The following GABBR2 variants were observed in gnomAD, a reference collection of about 807,000 sequenced individuals.
GABBR2 encodes the protein G-protein coupled receptor 51.
GABBR2 carries 23 observed loss-of-function variants against 105.6 expected under a neutral mutation model. The ratio of observed to expected loss-of-function variants is 0.22; its 90% CI spans 0.16 to 0.31. GABBR2 has a LOEUF of 0.31. Among genes scored for constraint, GABBR2 ranks in the 10% least tolerant of loss-of-function variants. The pLI, the probability that GABBR2 is intolerant of heterozygous loss-of-function variation, is 1.00. For synonymous variants in GABBR2, 478 were observed against 499.7 expected, an observed-to-expected ratio of 0.96 and a Z score of 0.58; for missense variants, 734 against 1,245.5, an observed-to-expected ratio of 0.59 and a Z score of 6.18.
chr9:98,565,554 G>A (rs942412965), intron 2 of GABBR2, among the ~76,000 whole-genome samples: 1 of 152,146 alleles, frequency 6.6e-6, no homozygotes, highest in East Asian at 1.9e-4. Context: ...AGACCACATA[G>A]CTCATCCCAT....
At chr9:98,628,305 G>T (rs1056161745) in intron 1 of GABBR2, among the ~76,000 whole-genome samples, 2 of 152,144 alleles carry the variant, frequency 1.3e-5, no homozygotes, top group Non-Finnish European at 2.9e-5. Flanking sequence ...TTTTTGCAAT[G>T]ACCCCAGGTA....
chr9:98,663,691 C>G (rs74520069), intron 1 of GABBR2, among the ~76,000 whole-genome samples: 2,511 of 151,980 alleles, frequency 0.017, 73 homozygotes, highest in African/African-American at 0.057. Context: ...GATCCCTTGC[C>G]CAGTTTATGG....
At chr9:98,684,173 A>AAAAAAAAT (rs1830591995) in intron 1 of GABBR2, among the ~76,000 whole-genome samples, 1 of 143,718 alleles carries the variant, frequency 7.0e-6, no homozygotes, top group African/African-American at 2.5e-5. Flanking sequence ...CCACGGTAAA[A>AAAAAAAAT]AAAAAAAAAA....
chr9:98,380,800 G>GCACC (rs1426589919), intron 11 of GABBR2, among the ~76,000 whole-genome samples: 3 of 152,176 alleles, frequency 2.0e-5, no homozygotes, highest in Non-Finnish European at 4.4e-5. Flanking sequence ...ACTCACACAC[G>GCACC]CACCCACCCT....
chr9:98,354,094 A>G (rs1831447106), intron 13 of GABBR2, among the ~76,000 whole-genome samples: 3 of 152,228 alleles, frequency 2.0e-5, no homozygotes, highest in African/African-American at 7.2e-5. Flanking sequence ...CACCAGGTAC[A>G]TTGTCAATGA....
chr9:98,400,316 TAA>T (rs985131808), intron 8 of GABBR2, among the ~76,000 whole-genome samples: 3 of 152,222 alleles, frequency 2.0e-5, no homozygotes, highest in African/African-American at 7.2e-5. Context: ...AAACGATACG[TAA>T]AGTCACAATA....
chr9:98,471,574 C>G (rs1826681667), intron 6 of GABBR2, among the ~76,000 whole-genome samples: 1 of 152,232 alleles, frequency 6.6e-6, no homozygotes, highest in South Asian at 2.1e-4. Context: ...AAAGCCACAC[C>G]CTTAGAACTA....
intron 2 of GABBR2, among the ~76,000 whole-genome samples, chr9:98,558,994 G>T (rs1447712829): frequency 5.3e-5 from 8 of 152,116 alleles, no homozygotes; most frequent in South Asian, 2.1e-4. Context: ...ACTCAATTTG[G>T]TTTTTTTTCT....
intron 1 of GABBR2, among the ~76,000 whole-genome samples, chr9:98,588,087 T>A (rs1829100531): frequency 6.6e-6 from 1 of 152,220 alleles, no homozygotes; most frequent in South Asian, 2.1e-4. Context: ...AGACAGAAAG[T>A]CATTTTTAAA....
chr9:98,494,719 G>A (rs947335648), intron 4 of GABBR2, among the ~76,000 whole-genome samples: 1 of 152,240 alleles, frequency 6.6e-6, no homozygotes, highest in African/African-American at 2.4e-5. Flanking sequence ...GCTCTGCACA[G>A]GGCCTGGCCT....
At chr9:98,596,711 G>A (rs542391609) in intron 1 of GABBR2, among the ~76,000 whole-genome samples, 9 of 152,202 alleles carry the variant, frequency 5.9e-5, no homozygotes, top group East Asian at 1.9e-4. Flanking sequence ...AGACCCTGCC[G>A]CCCAGGGCTC....
At chr9:98,292,983 C>T (rs1564004810) in intron 18 of GABBR2, among the ~76,000 whole-genome samples, 1 of 152,182 alleles carries the variant, frequency 6.6e-6, no homozygotes, top group African/African-American at 2.4e-5. Flanking sequence ...GTAAGCTGGC[C>T]AGGCCTTGGA....
chr9:98,673,761 G>A (rs529811160), intron 1 of GABBR2, among the ~76,000 whole-genome samples: 18 of 152,274 alleles, frequency 1.2e-4, no homozygotes, highest in African/African-American at 4.1e-4. Context: ...AGCATGGAAA[G>A]CCTTGCATAA....
At chr9:98,637,066 T>A (rs1370905853) in intron 1 of GABBR2, among the ~76,000 whole-genome samples, 1 of 152,104 alleles carries the variant, frequency 6.6e-6, no homozygotes, top group Non-Finnish European at 1.5e-5. Flanking sequence ...GGGCAACCCA[T>A]CCCAACTTTG....
chr9:98,574,655 T>C (rs1007398400), intron 2 of GABBR2, among the ~76,000 whole-genome samples: 2 of 152,220 alleles, frequency 1.3e-5, no homozygotes, highest in Non-Finnish European at 2.9e-5. Context: ...GGTAAATAAC[T>C]AACACAGTCC....
At chr9:98,653,020 A>G (rs1348271715) in intron 1 of GABBR2, among the ~76,000 whole-genome samples, 2 of 152,226 alleles carry the variant, frequency 1.3e-5, no homozygotes, top group Non-Finnish European at 1.5e-5. Flanking sequence ...TTTTAGAGTC[A>G]GGGACTTGCT....
At chr9:98,325,543 C>T (rs1216186213) in intron 13 of GABBR2, among the ~76,000 whole-genome samples, 2 of 152,128 alleles carry the variant, frequency 1.3e-5, no homozygotes, top group Non-Finnish European at 2.9e-5. Context: ...CTACCCATCT[C>T]GGTCTTCCAA....
At chr9:98,309,407 T>C (rs529450938) in intron 14 of GABBR2, among the ~76,000 whole-genome samples, 25 of 152,330 alleles carry the variant, frequency 1.6e-4, no homozygotes, top group African/African-American at 5.8e-4. Context: ...ACGGAGACAG[T>C]CTAGATTCTC....
intron 2 of GABBR2, among the ~76,000 whole-genome samples, chr9:98,576,342 C>T (rs958190955): frequency 3.9e-5 from 6 of 152,202 alleles, no homozygotes; most frequent in Admixed American, 1.3e-4. Context: ...TGCCTTCCTC[C>T]GTTTACTATT....
Sources: gnomAD v4.1 joint callset for allele counts (sites outside exome capture counted in the v4.1 genomes callset) on GRCh38, gnomAD v4.1.1 for gene constraint, MANE v1.5 for transcripts, NCBI Gene and HGNC (gene_info 2026-07-23, HGNC 2026-07-21) for gene names.